The following RABGEF1 variants were observed in gnomAD, a reference collection of about 807,000 sequenced individuals.
The protein encoded by RABGEF1 is RAB guanine nucleotide exchange factor 1, also known as rab5 GDP/GTP exchange factor.
Under a neutral mutation model 57.3 loss-of-function variants are expected in RABGEF1, and 26 were observed. That is an observed-to-expected ratio of 0.45 (90% CI 0.33 to 0.63). RABGEF1 has a LOEUF of 0.63. Ranked by LOEUF, RABGEF1 falls within the 20% of genes least tolerant of loss-of-function variation. The probability of loss-of-function intolerance (pLI) is 0.02; values close to 1 mark genes in which losing one functional copy is unlikely to be tolerated. For synonymous variants in RABGEF1, 185 were observed against 210.7 expected, an observed-to-expected ratio of 0.88 and a Z score of 1.06; for missense variants, 464 against 607.6, an observed-to-expected ratio of 0.76 and a Z score of 2.48.
upstream of RABGEF1, among the ~76,000 whole-genome samples, chr7:66,678,299 C>T (rs1024162300): frequency 5.9e-5 from 9 of 152,068 alleles, no homozygotes; most frequent in Non-Finnish European, 1.0e-4. Context: ...GGCGCGGTGG[C>T]TCACGCCTGT....
intron 1 of RABGEF1, among the ~76,000 whole-genome samples, chr7:66,683,811 A>G (rs990265451): frequency 1.8e-4 from 27 of 152,030 alleles, no homozygotes; most frequent in African/African-American, 5.8e-4. Flanking sequence ...CACGATCACG[A>G]GTCACTGAAG....
At chr7:66,720,066 TAA>T (rs1405601321) in intron 2 of RABGEF1, among the ~76,000 whole-genome samples, 1 of 151,802 alleles carries the variant, frequency 6.6e-6, no homozygotes, top group Non-Finnish European at 1.5e-5. Context: ...AAAACAAAAA[TAA>T]GTCAATGTAA....
chr7:66,708,157 G>A (rs966475592), intron 1 of RABGEF1, among the ~76,000 whole-genome samples: 2 of 151,784 alleles, frequency 1.3e-5, no homozygotes, highest in African/African-American at 4.8e-5. Context: ...ATGTTCTGTA[G>A]ATACTCTCTA....
chr7:66,696,661 G>A (rs1792380719), intron 1 of RABGEF1, among the ~76,000 whole-genome samples: 1 of 144,154 alleles, frequency 6.9e-6, no homozygotes, highest in Admixed American at 7.2e-5. Context: ...TTGCACTCCA[G>A]CCTGGGTGAC....
chr7:66,723,464 T>C (rs1470129476), intron 2 of RABGEF1, among the ~76,000 whole-genome samples: 1 of 152,274 alleles, frequency 6.6e-6, no homozygotes, highest in Non-Finnish European at 1.5e-5. Flanking sequence ...CACCATACTT[T>C]CATTTCAATC....
In RABGEF1 at chr7:66,783,862, T is replaced by C. The variant is rs368237496; in HGVS notation, c.513+21T>C. 39 of 1,602,960 alleles carry C rather than the reference T, an allele frequency of 2.4e-5. No individual in the cohort carries two copies. In the African/African-American group the frequency reaches 5.0e-4, roughly 20 times the overall value. ...AAAGGGTAGGTTGAGAATAACCACG[T>C]AGAAACATAGAGTTTTGGTTTGAGG... On this transcript the variant is annotated intron_variant, in intron 4 of 8. Transcript: ENST00000284957.
chr7:66,662,736 A>C, the RABGEF1 span, among the ~76,000 whole-genome samples: 2 of 151,284 alleles, frequency 1.3e-5, no homozygotes, highest in Non-Finnish European at 3.0e-5. Flanking sequence ...TGCAGGTGTA[A>C]GTGTGCAGGC....
In RABGEF1 at chr7:66,783,870, T is replaced by C. The variant is rs376161692; in HGVS notation, c.513+29T>C. ...GGTTGAGAATAACCACGTAGAAACA[T>C]AGAGTTTTGGTTTGAGGAAAGGTCT... On this transcript the variant is annotated intron_variant, in intron 4 of 8. Transcript: ENST00000284957. 1.2e-4 allele frequency: 185 copies of C among 1,597,364 alleles called. 1 individual carries two copies. The East Asian group carries it at 2.3e-3, about 20-fold the overall frequency.
At chr7:66,671,634 TA>T in the RABGEF1 span, among the ~76,000 whole-genome samples, 1 of 152,118 alleles carries the variant, frequency 6.6e-6, no homozygotes, top group Non-Finnish European at 1.5e-5. Flanking sequence ...CACTTAACAC[TA>T]AAACGTGGAA....
At chr7:66,677,960 G>C (rs1789404220), upstream of RABGEF1, among the ~76,000 whole-genome samples, 2 of 151,542 alleles carry the variant, frequency 1.3e-5, no homozygotes, top group Non-Finnish European at 2.9e-5. Flanking sequence ...AGCTACTTGG[G>C]GGGCTGAGGC....
chr7:66,790,768 T>C (rs1446921634), intron 4 of RABGEF1, among the ~76,000 whole-genome samples: 1 of 152,218 alleles, frequency 6.6e-6, no homozygotes, highest in Non-Finnish European at 1.5e-5. Flanking sequence ...ATTAATGAAC[T>C]CCTATTCAGG....
At chr7:66,749,442 A>C (rs969774119) in intron 1 of RABGEF1, among the ~76,000 whole-genome samples, 7 of 152,230 alleles carry the variant, frequency 4.6e-5, no homozygotes, top group Non-Finnish European at 1.0e-4. Flanking sequence ...CTCAAAAAGG[A>C]GTTGGGCTAG....
chr7:66,683,209 C>T (rs1459773325), intron 1 of RABGEF1, among the ~76,000 whole-genome samples: 1 of 152,136 alleles, frequency 6.6e-6, no homozygotes, highest in African/African-American at 2.4e-5. Flanking sequence ...AACTCCTGGC[C>T]TTAAGCGATC....
chr7:66,732,954 T>C (rs571827399), intron 2 of RABGEF1, among the ~76,000 whole-genome samples: 1 of 152,294 alleles, frequency 6.6e-6, no homozygotes, highest in Non-Finnish European at 1.5e-5. Flanking sequence ...AGGGTGAGCT[T>C]GCAAAAGTGG....
chr7:66,681,249 T>C (rs62466123), upstream of RABGEF1, among the ~76,000 whole-genome samples: 1 of 152,202 alleles, frequency 6.6e-6, no homozygotes, highest in Non-Finnish European at 1.5e-5. Flanking sequence ...CATCCAGGAC[T>C]CAGAGCAATC....
intron 7 of RABGEF1, among the ~76,000 whole-genome samples, chr7:66,803,398 G>T (rs1315536826): frequency 6.6e-6 from 1 of 152,202 alleles, no homozygotes; most frequent in Non-Finnish European, 1.5e-5. Context: ...CAAGAATTTG[G>T]TGTAAAATTA....
chr7:66,810,882 A>G lies in RABGEF1; in HGVS notation c.*1598A>G, dbSNP rs1584333623. On this transcript the variant is annotated 3_prime_UTR_variant, in exon 9 of 9. Coordinates refer to ENST00000284957, the MANE Select transcript of RABGEF1 (RefSeq NM_014504.3). ...AAACTTCTTATTCTTAAATTTACAT[A>G]TAAGATCTATTAAGCTTGACACATC... 1 of 152,356 alleles carries G rather than the reference A, an allele frequency of 6.6e-6. No individual in the cohort carries two copies. The highest frequency in any genetic ancestry group is 2.1e-4 in the South Asian group (1 of 4,832). The allele number at this position is 152,356 out of a possible 1,614,324, so 9.4% of individuals were successfully genotyped here. A position where few individuals can be genotyped will look rare whatever the true frequency, so the allele number is the denominator to read the frequency against.
chr7:66,718,620 C>T (rs1795665947), intron 2 of RABGEF1, among the ~76,000 whole-genome samples: 1 of 152,094 alleles, frequency 6.6e-6, no homozygotes, highest in East Asian at 1.9e-4. Flanking sequence ...TTCCTACCTG[C>T]ACTCCGTGAG....
chr7:66,658,738 T>G, the RABGEF1 span, among the ~76,000 whole-genome samples: 1 of 152,074 alleles, frequency 6.6e-6, no homozygotes. Flanking sequence ...AATACTTTCT[T>G]TTTTTTGTTT....
Sources: allele counts gnomAD v4.1 joint callset (sites outside exome capture counted in the v4.1 genomes callset), GRCh38; gene constraint gnomAD v4.1.1; transcripts MANE v1.5; gene names NCBI Gene and HGNC (gene_info 2026-07-23, HGNC 2026-07-21).